Variants in GPAM observed in about 807,000 individuals in gnomAD.
GPAM encodes glycerol-3-phosphate acyltransferase 1, mitochondrial.
Under a neutral mutation model 105.0 loss-of-function variants are expected in GPAM, and 56 were observed. The observed-to-expected ratio is 0.53, with a 90% CI of 0.43 to 0.67. The LOEUF (loss-of-function observed/expected upper bound fraction) is 0.67. GPAM is among the 30% of genes least tolerant of loss of function. The pLI is 0.00. For synonymous variants in GPAM, 368 were observed against 354.4 expected (o/e 1.04, Z -0.43); for missense variants, 855 against 989.8 (o/e 0.86, Z 1.83).
At position 112,153,202 on chromosome 10, in the gene GPAM, T is replaced by C. The variant is rs780643745; in HGVS notation, c.*348A>G. On this transcript the variant is annotated 3_prime_UTR_variant, in exon 22 of 22. Coordinates refer to ENST00000348367, the MANE Select transcript of GPAM (RefSeq NM_001244949.2). ...GTAAGATTCAGTTCCAGAACACAGC[T>C]ACATTTCTGTGTCCATCACAGTAAT... 2.1e-5 allele frequency: 24 copies of C among 1,132,090 alleles called. No homozygotes were observed. Among genetic ancestry groups the C allele is most frequent in the Non-Finnish European group, 2.5e-5 (23 of 913,580 alleles). The allele number at this position is 1,132,090 out of a possible 1,614,324, so 70.1% of individuals were successfully genotyped here.
At chr10:112,220,853 T>TACACACACAC in the GPAM span, among the ~76,000 whole-genome samples, 2,591 of 145,992 alleles carry the variant, frequency 0.018, 89 homozygotes, top group African/African-American at 0.061. Flanking sequence ...AGATCTCAAA[T>TACACACACAC]ACACACACAC....
chr10:112,192,480 C>T (rs10787430), intron 1 of GPAM, among the ~76,000 whole-genome samples: 88,263 of 152,050 alleles, frequency 0.58, 27,920 homozygotes, highest in Non-Finnish European at 0.7. Context: ...AGGGAGGACT[C>T]CTAAAAGGGG....
intron 13 of GPAM, 144 bp downstream of exon 13, chr10:112,164,381 A>G: frequency 1.5e-6 from 1 of 649,972 alleles, no homozygotes; most frequent in South Asian, 1.7e-5. Context: ...TGTCATCTCA[A>G]TATCCCTTAT....
At chr10:112,187,927 C>T (rs570030468), upstream of GPAM, among the ~76,000 whole-genome samples, 2 of 152,160 alleles carry the variant, frequency 1.3e-5, no homozygotes, top group East Asian at 3.9e-4. Flanking sequence ...TTTAGAAACT[C>T]ACATACTTTT....
intron 1 of GPAM, chr10:112,214,516 G>A (rs1465282577): frequency 6.6e-6 from 1 of 152,120 alleles, no homozygotes; most frequent in Admixed American, 6.5e-5. Context: ...TTCCTCTACA[G>A]TGAGAAAGTC....
At chr10:112,202,051 C>T (rs1847803793) in intron 1 of GPAM, among the ~76,000 whole-genome samples, 2 of 152,196 alleles carry the variant, frequency 1.3e-5, no homozygotes, top group Admixed American at 1.3e-4. Context: ...AATGTCACAG[C>T]TAGCAAGGAA....
chr10:112,219,373 G>A (rs528164267), upstream of GPAM, among the ~76,000 whole-genome samples: 2 of 152,294 alleles, frequency 1.3e-5, no homozygotes, highest in East Asian at 3.9e-4. Flanking sequence ...CTGGGAGTGG[G>A]GATGACGGAA....
At chr10:112,185,873 G>T (rs1589601506), upstream of GPAM, among the ~76,000 whole-genome samples, 1 of 152,080 alleles carries the variant, frequency 6.6e-6, no homozygotes, top group Non-Finnish European at 1.5e-5. Flanking sequence ...AGTAAAAGTA[G>T]AGTATCAGTG....
At chr10:112,154,868 C>G in intron 20 of GPAM, 181 bp from the exon 21 acceptor site, 1 of 664,134 alleles carries the variant, frequency 1.5e-6, no homozygotes, top group Non-Finnish European at 2.7e-6. Context: ...TGCTGTTAAA[C>G]CTACTTTGCT....
chr10:112,165,746 A>C (rs1847204758), intron 12 of GPAM, among the ~76,000 whole-genome samples: 1 of 152,190 alleles, frequency 6.6e-6, no homozygotes, highest in Admixed American at 6.5e-5. Context: ...TTTCCCCTAA[A>C]GGCAATTTTG....
At chr10:112,220,495 T>C in the GPAM span, among the ~76,000 whole-genome samples, 1 of 152,034 alleles carries the variant, frequency 6.6e-6, no homozygotes, top group African/African-American at 2.4e-5. Context: ...TGCATGTATC[T>C]TTGCTTTTAG....
upstream of GPAM, among the ~76,000 whole-genome samples, chr10:112,218,845 C>A (rs1260800996): frequency 6.6e-6 from 1 of 152,134 alleles, no homozygotes; most frequent in Non-Finnish European, 1.5e-5. Flanking sequence ...GTGGGAGTGT[C>A]TTTTGGCATG....
intron 1 of GPAM, among the ~76,000 whole-genome samples, chr10:112,201,240 C>T (rs372475397): frequency 9.8e-5 from 15 of 152,320 alleles, no homozygotes; most frequent in African/African-American, 3.4e-4. Context: ...TCAGGACTCA[C>T]GAGGACCCTA....
At chr10:112,174,874 A>G (rs1847375558) in intron 6 of GPAM, among the ~76,000 whole-genome samples, 1 of 152,210 alleles carries the variant, frequency 6.6e-6, no homozygotes, top group Non-Finnish European at 1.5e-5. Context: ...AGCATTGTTC[A>G]GGCCTTAACA....
chr10:112,203,485 T>C (rs1847823009), intron 1 of GPAM, among the ~76,000 whole-genome samples: 1 of 152,230 alleles, frequency 6.6e-6, no homozygotes, highest in South Asian at 2.1e-4. Context: ...ATTGAGGTCC[T>C]AGTTACTAAG....
chr10:112,223,975 T>C, the GPAM span, among the ~76,000 whole-genome samples: 1 of 152,160 alleles, frequency 6.6e-6, no homozygotes, highest in East Asian at 1.9e-4. Context: ...ACATTCATCA[T>C]AGACCTGACT....
At position 112,153,556 on chromosome 10, in the gene GPAM, C is replaced by A; in HGVS notation, c.2481G>T (p.Val827=). The part of the protein sequence containing the change: ...KLLEYILSFV[V]L Reference sequence around the variant, plus strand: ...CAGCAGTGCCACACGTTACCTACAGCACCACAAAACTCAGAATATATTCTA... The same window carrying A: ...CAGCAGTGCCACACGTTACCTACAGAACCACAAAACTCAGAATATATTCTA... Residue 827 remains valine (V), a synonymous_variant, in exon 22 of 22, where the codon GTG becomes GTT. Transcript: ENST00000348367. 1 of 1,613,940 alleles carries A rather than the reference C, an allele frequency of 6.2e-7. No individual in the cohort carries two copies. Among genetic ancestry groups the A allele is most frequent in the East Asian group, 2.2e-5 (1 of 44,880 alleles).
intron 1 of GPAM, among the ~76,000 whole-genome samples, chr10:112,212,058 C>T (rs1259838570): frequency 6.6e-6 from 1 of 152,084 alleles, no homozygotes; most frequent in Admixed American, 6.5e-5. Context: ...GCAGGTGCCC[C>T]GTCTTGCCTA....
intron 8 of GPAM, 42 bp downstream of exon 8, chr10:112,172,928 A>G (rs939415666): frequency 5.8e-6 from 6 of 1,033,798 alleles, no homozygotes; most frequent in African/African-American, 4.7e-5. Flanking sequence ...CCACTCTACA[A>G]TTGAGGGGAA....
Sources: gnomAD v4.1 joint callset for allele counts (sites outside exome capture counted in the v4.1 genomes callset) on GRCh38, gnomAD v4.1.1 for gene constraint, MANE v1.5 for transcripts, NCBI Gene and HGNC (gene_info 2026-07-23, HGNC 2026-07-21) for gene names.